PCDH11Y: variants seen among roughly 807,000 people sequenced by gnomAD.
The protein encoded by PCDH11Y is protocadherin 11 Y-linked, also known as protocadherin-11 Y-linked.
For synonymous variants in PCDH11Y, 9 were observed against 83.6 expected (o/e 0.11, Z 4.87); for missense variants, 12 against 224.8 (o/e 0.05, Z 6.05).
chrY:5,495,451 A>G, intron 2 of PCDH11Y, among the ~76,000 whole-genome samples: 1 of 34,180 alleles, frequency 2.9e-5, no homozygotes, highest in Non-Finnish European at 7.3e-5. Context: ...GTTGTTTACT[A>G]TTATAAAATG....
chrY:5,517,667 A>G (rs2053373779), intron 3 of PCDH11Y, among the ~76,000 whole-genome samples: 54 of 32,207 alleles, frequency 1.7e-3, no homozygotes, highest in Non-Finnish European at 3.5e-3. Flanking sequence ...AGTTATGATC[A>G]TGTGTATCAT....
intron 3 of PCDH11Y, among the ~76,000 whole-genome samples, chrY:5,543,702 T>C: frequency 3.0e-5 from 1 of 33,857 alleles, no homozygotes; most frequent in Non-Finnish European, 7.4e-5. Flanking sequence ...CTGACAATAA[T>C]TTGCAACCTC....
chrY:5,331,480 C>A, intron 2 of PCDH11Y, among the ~76,000 whole-genome samples: 1 of 33,394 alleles, frequency 3.0e-5, no homozygotes, highest in African/African-American at 1.2e-4. Flanking sequence ...CATTTACAAT[C>A]TATTCTCTCA....
At chrY:5,129,478 C>CAGAGAGAGAGAGAG (rs60771778) in intron 2 of PCDH11Y, among the ~76,000 whole-genome samples, 3 of 12,475 alleles carry the variant, frequency 2.4e-4, no homozygotes, top group East Asian at 8.5e-3. Flanking sequence ...CACACACACA[C>CAGAGAGAGAGAGAG]AGAGAGAGAG....
chrY:5,500,869 C>T, intron 2 of PCDH11Y, among the ~76,000 whole-genome samples, 188 bp from the exon 4 acceptor site: 1 of 33,747 alleles, frequency 3.0e-5, no homozygotes, highest in Non-Finnish European at 7.3e-5. Flanking sequence ...GGAAGCAACA[C>T]TGCCTTCAGG....
chrY:5,472,146 T>C, intron 2 of PCDH11Y, among the ~76,000 whole-genome samples: 1 of 32,524 alleles, frequency 3.1e-5, no homozygotes, highest in Non-Finnish European at 7.7e-5. Flanking sequence ...GTAAGTTTTC[T>C]AGATATCATC....
intron 2 of PCDH11Y, among the ~76,000 whole-genome samples, chrY:5,277,812 G>A: frequency 3.1e-5 from 1 of 32,559 alleles, no homozygotes; most frequent in East Asian, 8.0e-4. Context: ...ACTGGCATAC[G>A]AATACAGGCT....
chrY:5,023,587 G>A, intron 1 of PCDH11Y, among the ~76,000 whole-genome samples: 3 of 33,863 alleles, frequency 8.9e-5, no homozygotes, highest in Non-Finnish European at 2.2e-4. Context: ...GTCTATCTAA[G>A]TTGTTGTTGG....
At chrY:5,040,541 C>T (rs2563693) in intron 3 of PCDH11Y, among the ~76,000 whole-genome samples, 2 of 32,285 alleles carry the variant, frequency 6.2e-5, no homozygotes, top group East Asian at 8.1e-4. Flanking sequence ...ATAAATAAAA[C>T]GGGGGTTGCA....
intron 2 of PCDH11Y, among the ~76,000 whole-genome samples, chrY:5,499,123 G>A: frequency 3.0e-4 from 10 of 32,967 alleles, no homozygotes; most frequent in Non-Finnish European, 5.9e-4. Context: ...CAACCTAGAT[G>A]ACAGAATGAG....
intron 2 of PCDH11Y, among the ~76,000 whole-genome samples, chrY:5,263,519 T>C (rs2053022088): frequency 3.0e-5 from 1 of 33,284 alleles, no homozygotes; most frequent in Non-Finnish European, 7.4e-5. Context: ...CTCTTTCCTG[T>C]ATAAGTTGCC....
chrY:5,167,517 TTGTGTGTGTGTGTG>T (rs56931360), intron 2 of PCDH11Y, among the ~76,000 whole-genome samples: 1 of 14,275 alleles, frequency 7.0e-5, no homozygotes, highest in African/African-American at 3.1e-4. Flanking sequence ...ATCTCTTGGA[TTGTGTGTGTGTGTG>T]TGTGTGTGTG....
upstream of PCDH11Y, among the ~76,000 whole-genome samples, chrY:5,051,956 G>A: frequency 6.3e-5 from 2 of 31,980 alleles, no homozygotes; most frequent in Admixed American, 5.9e-4. Flanking sequence ...TAGGTTTATC[G>A]GTTGCTCCAA....
chrY:5,285,557 C>T (rs2053059088), intron 2 of PCDH11Y, among the ~76,000 whole-genome samples: 2 of 33,382 alleles, frequency 6.0e-5, no homozygotes, highest in African/African-American at 1.2e-4. Flanking sequence ...ACAACCTTGC[C>T]GGCATTTATT....
downstream of PCDH11Y, among the ~76,000 whole-genome samples, chrY:5,103,670 A>C (rs2052782974): frequency 3.1e-5 from 1 of 32,666 alleles, no homozygotes; most frequent in Admixed American, 2.9e-4. Context: ...TTTTGTATAC[A>C]TTGTAGTAGA....
chrY:5,225,560 G>A (rs2124653027), intron 2 of PCDH11Y, among the ~76,000 whole-genome samples: 10 of 19,784 alleles, frequency 5.1e-4, no homozygotes, highest in African/African-American at 2.0e-3. Flanking sequence ...CCTGGCTATT[G>A]TGAACAGTGC....
intron 2 of PCDH11Y, chrY:5,207,986 C>T: frequency 4.2e-6 from 1 of 235,616 alleles, no homozygotes; most frequent in South Asian, 3.5e-5. Flanking sequence ...TCAAATCAAG[C>T]ATTATTAAGC....
chrY:5,033,920 G>A (rs1602841704), intron 3 of PCDH11Y, among the ~76,000 whole-genome samples: 1 of 31,871 alleles, frequency 3.1e-5, no homozygotes, highest in African/African-American at 1.2e-4. Context: ...CAAGTTTTCC[G>A]TTCATTGAAG....
intron 3 of PCDH11Y, among the ~76,000 whole-genome samples, chrY:5,578,960 G>T: frequency 3.0e-5 from 1 of 33,346 alleles, no homozygotes. Context: ...TAATAAAACT[G>T]CAACTGTTAC....
Sources: allele counts gnomAD v4.1 joint callset (sites outside exome capture counted in the v4.1 genomes callset), GRCh38; gene constraint gnomAD v4.1.1; transcripts MANE v1.5; gene names NCBI Gene and HGNC (gene_info 2026-07-23, HGNC 2026-07-21).